The following AXIN1 variants were observed in gnomAD, a reference collection of about 807,000 sequenced individuals.
The protein encoded by AXIN1 is axin-1.
Under a neutral mutation model 76.4 loss-of-function variants are expected in AXIN1, and 30 were observed. The ratio of observed to expected loss-of-function variants is 0.39; its 90% CI spans 0.29 to 0.53. AXIN1 has a LOEUF of 0.53. Among genes scored for constraint, AXIN1 ranks in the 20% least tolerant of loss-of-function variants. AXIN1 has a pLI of 0.66. For synonymous variants in AXIN1, 545 were observed against 501.4 expected, an observed-to-expected ratio of 1.09 and a Z score of -1.16; for missense variants, 1,140 against 1,198.8, an observed-to-expected ratio of 0.95 and a Z score of 0.72.
At chr16:320,743 A>ATATATATATATTTTTTTTTT (rs397722732) in intron 2 of AXIN1, among the ~76,000 whole-genome samples, 3 of 107,664 alleles carry the variant, frequency 2.8e-5, no homozygotes, top group African/African-American at 1.4e-4. Context: ...ATATATATAT[A>ATATATATATATTTTTTTTTT]TTTTTTTTTT....
chr16:342,748 C>T (rs753478825), intron 2 of AXIN1, among the ~76,000 whole-genome samples: 7 of 152,252 alleles, frequency 4.6e-5, no homozygotes, highest in Non-Finnish European at 7.3e-5. Flanking sequence ...AACAAGGGAG[C>T]CCAGAGCCCA....
At chr16:289,082 C>CT (rs1036143075) in intron 10 of AXIN1, among the ~76,000 whole-genome samples, 119 of 104,604 alleles carry the variant, frequency 1.1e-3, no homozygotes, top group East Asian at 2.8e-3. Context: ...CCTTTTTCTT[C>CT]TTTTTTTTTT....
At chr16:337,149 C>CAAA (rs398028563) in intron 2 of AXIN1, among the ~76,000 whole-genome samples, 6 of 30,572 alleles carry the variant, frequency 2.0e-4, no homozygotes, top group Admixed American at 4.7e-4. Flanking sequence ...GACCCCGTCT[C>CAAA]AAAAAAAAAA....
At chr16:315,696 G>A (rs1013564208) in intron 2 of AXIN1, among the ~76,000 whole-genome samples, 2 of 152,072 alleles carry the variant, frequency 1.3e-5, no homozygotes, top group Non-Finnish European at 2.9e-5. Flanking sequence ...GCGTGGTGGC[G>A]GGCGCCTGTA....
At position 331,866 on chromosome 16, in the gene AXIN1, C is replaced by T. The variant is rs879692079; in HGVS notation, c.878+14282G>A. Among the ~76,000 whole-genome samples, 3 of 152,212 alleles carry T rather than the reference C, an allele frequency of 2.0e-5. No homozygotes were observed. The East Asian group carries it at 5.8e-4, about 29-fold the overall frequency. Reference sequence around the variant, plus strand: ...CGTCACCCTCAGATCTCCACACAGGCGCACCTCGGCCACTAGTCTGACCCC... The same window carrying T: ...CGTCACCCTCAGATCTCCACACAGGTGCACCTCGGCCACTAGTCTGACCCC... On this transcript the variant is annotated intron_variant, in intron 2 of 10. Transcript: ENST00000262320.
intron 2 of AXIN1, 29 bp downstream of exon 2, chr16:346,119 A>T (rs2141699746): frequency 6.2e-7 from 1 of 1,608,200 alleles, no homozygotes; most frequent in Non-Finnish European, 8.5e-7. Flanking sequence ...AGGTGAGTAC[A>T]GAAAGTGGAC....
At chr16:338,346 T>C (rs1043421396) in intron 2 of AXIN1, among the ~76,000 whole-genome samples, 1 of 152,244 alleles carries the variant, frequency 6.6e-6, no homozygotes, top group Non-Finnish European at 1.5e-5. Context: ...CAGAAACAGC[T>C]GCTGCAGGTC....
At chr16:336,711 G>C (rs932820949) in intron 2 of AXIN1, among the ~76,000 whole-genome samples, 3 of 151,368 alleles carry the variant, frequency 2.0e-5, no homozygotes, top group African/African-American at 7.3e-5. Context: ...CAGCTACTCA[G>C]GAAGCTGAGG....
intron 2 of AXIN1, among the ~76,000 whole-genome samples, chr16:340,726 C>A (rs2053899887): frequency 6.6e-6 from 1 of 152,218 alleles, no homozygotes; most frequent in African/African-American, 2.4e-5. Context: ...AGGGAGGAAC[C>A]CCATGAAACC....
chr16:332,171 G>T (rs2053704407), intron 2 of AXIN1, among the ~76,000 whole-genome samples: 1 of 152,160 alleles, frequency 6.6e-6, no homozygotes, highest in South Asian at 2.1e-4. Flanking sequence ...TGCAGATGGT[G>T]GTGGACCAGC....
chr16:306,195 G>A lies in AXIN1; in HGVS notation c.1117-1754C>T, dbSNP rs540065175. 2.5e-3 allele frequency among the ~76,000 whole-genome samples: 377 copies of A among 151,920 alleles called. 2 individuals are homozygous for A. Among genetic ancestry groups the A allele is most frequent in the Non-Finnish European group, 1.4e-3 (95 of 67,964 alleles). On this transcript the variant is annotated intron_variant, in intron 4 of 10. Transcript: ENST00000262320. The stretch of plus-strand genomic sequence containing the variant: ...CACACACACGCACACACACAGGCAC[G>A]CTCACTTTTCTGAACCAGTTAGAGT...
intron 2 of AXIN1, among the ~76,000 whole-genome samples, chr16:335,910 T>A (rs2053794120): frequency 6.6e-6 from 1 of 152,230 alleles, no homozygotes; most frequent in South Asian, 2.1e-4. Flanking sequence ...ACGGCCATTA[T>A]TAACTCAAAA....
intron 2 of AXIN1, among the ~76,000 whole-genome samples, chr16:345,782 C>T (rs553332452): frequency 1.5e-4 from 23 of 152,170 alleles, no homozygotes; most frequent in African/African-American, 4.1e-4. Flanking sequence ...CCACTCCTCC[C>T]TTTATTAAGC....
rs139203463 is a variant in AXIN1, at chr16:288,161, A to C, written c.2550T>G (p.Phe850Leu). Residue 850 changes from phenylalanine to leucine, a missense_variant, in exon 11 of 11, where the codon TTT becomes TTG. Physicochemically the swap from Phe to Leu is conservative, Grantham distance 22. Transcript: ENST00000262320. ...CCACTTTGCCGATGATCTTCTCCTC[A>C]AAGACGGGCAGGACGGCCTCGTCCT... ...VREDEAVLPVFEEKIIGKVEK... is the reference protein window; with the variant it reads ...VREDEAVLPVLEEKIIGKVEK... The C allele has an allele frequency of 6.2e-7, 1 of 1,613,588 alleles. No homozygotes were observed. Among genetic ancestry groups the C allele is most frequent in the Admixed American group, 1.7e-5 (1 of 60,030 alleles).
At chr16:321,570 G>T (rs1298255029) in intron 2 of AXIN1, among the ~76,000 whole-genome samples, 2 of 152,210 alleles carry the variant, frequency 1.3e-5, no homozygotes, top group Admixed American at 1.3e-4. Flanking sequence ...TCTCATAGCT[G>T]GGAATACGAG....
chr16:291,648 G>A (rs2052564435), intron 8 of AXIN1: 1 of 392,228 alleles, frequency 2.5e-6, no homozygotes, highest in Admixed American at 3.8e-5. Context: ...CAGTCTCTTG[G>A]CATGAATTCC....
intron 4 of AXIN1, among the ~76,000 whole-genome samples, chr16:308,192 T>C (rs897103298): frequency 6.6e-6 from 1 of 152,200 alleles, no homozygotes; most frequent in African/African-American, 2.4e-5. Context: ...GCGACTCAAA[T>C]GTGACCCTCC....
chr16:310,632 C>A (rs917885873), intron 3 of AXIN1, among the ~76,000 whole-genome samples: 1 of 152,232 alleles, frequency 6.6e-6, no homozygotes, highest in Non-Finnish European at 1.5e-5. Context: ...CTCCTGACCT[C>A]GTGATCCGCC....
intron 5 of AXIN1, among the ~76,000 whole-genome samples, chr16:304,056 C>T (rs576466803): frequency 8.5e-5 from 13 of 152,332 alleles, no homozygotes; most frequent in South Asian, 4.1e-4. Context: ...CACCCCCGGC[C>T]CCTTCAATGC....
Sources: allele counts gnomAD v4.1 joint callset (sites outside exome capture counted in the v4.1 genomes callset), GRCh38; gene constraint gnomAD v4.1.1; transcripts MANE v1.5; gene names NCBI Gene and HGNC (gene_info 2026-07-23, HGNC 2026-07-21).